The following SPAG16 variants were observed in gnomAD, a reference collection of about 807,000 sequenced individuals.
The protein encoded by SPAG16 is sperm associated antigen 16, also known as sperm-associated antigen 16 protein.
Under a neutral mutation model 80.4 loss-of-function variants are expected in SPAG16, and 86 were observed. The ratio of observed to expected loss-of-function variants is 1.07; its 90% CI spans 0.90 to 1.28. The LOEUF is 1.28. SPAG16 is among the 50% of genes most tolerant of loss of function. The pLI, the probability that SPAG16 is intolerant of heterozygous loss-of-function variation, is 0.00. For missense variants in SPAG16, 870 were observed against 765.3 expected, an observed-to-expected ratio of 1.14 and a Z score of -1.61; for synonymous variants, 294 against 265.9, an observed-to-expected ratio of 1.11 and a Z score of -1.03.
intron 12 of SPAG16, among the ~76,000 whole-genome samples, chr2:213,963,060 C>T (rs1322370411): frequency 2.2e-5 from 3 of 138,974 alleles, no homozygotes; most frequent in Non-Finnish European, 3.1e-5. Flanking sequence ...TATTTTGTTT[C>T]CTTTCTTTTG....
intron 3 of SPAG16, among the ~76,000 whole-genome samples, chr2:213,302,831 A>G (rs1299225286): frequency 6.6e-6 from 1 of 152,110 alleles, no homozygotes; most frequent in African/African-American, 2.4e-5. Context: ...GAATGCAAAC[A>G]TTTATTTGAA....
At chr2:213,465,888 G>T (rs1179606410) in intron 9 of SPAG16, among the ~76,000 whole-genome samples, 1 of 152,172 alleles carries the variant, frequency 6.6e-6, no homozygotes, top group Non-Finnish European at 1.5e-5. Context: ...AGTATGCAAA[G>T]TATTGTTCCT....
intron 12 of SPAG16, among the ~76,000 whole-genome samples, chr2:213,947,617 A>AT (rs373896390): frequency 0.013 from 1,994 of 151,964 alleles, 42 homozygotes; most frequent in African/African-American, 0.045. Context: ...GGTCAAGGAC[A>AT]TTTTTTTTGG....
intron 10 of SPAG16, among the ~76,000 whole-genome samples, chr2:213,718,789 C>T (rs919830021): frequency 1.3e-5 from 2 of 152,164 alleles, no homozygotes; most frequent in Admixed American, 6.5e-5. Flanking sequence ...TCCATGGGCT[C>T]CTGTGCAGCC....
chr2:213,926,491 A>T (rs762911652), intron 11 of SPAG16, among the ~76,000 whole-genome samples: 1 of 151,920 alleles, frequency 6.6e-6, no homozygotes, highest in Non-Finnish European at 1.5e-5. Flanking sequence ...AGAACATATC[A>T]TGTTTTTCAT....
At chr2:213,775,942 T>G (rs558343663) in intron 10 of SPAG16, among the ~76,000 whole-genome samples, 2 of 152,248 alleles carry the variant, frequency 1.3e-5, no homozygotes, top group Non-Finnish European at 2.9e-5. Context: ...CCTAATAAAT[T>G]AGCTCCAAAT....
chr2:213,438,664 G>A (rs2070770762), intron 9 of SPAG16, among the ~76,000 whole-genome samples: 1 of 152,096 alleles, frequency 6.6e-6, no homozygotes, highest in South Asian at 2.1e-4. Context: ...CCTTGATTGT[G>A]GGCAAAACCT....
At position 213,327,672 on chromosome 2, in the gene SPAG16, CAAAAT is replaced by C. The variant is rs567068194; in HGVS notation, c.536+10318_536+10322del. On this transcript the variant is annotated intron_variant, in intron 5 of 15. Coordinates refer to ENST00000331683, the MANE Select transcript of SPAG16 (RefSeq NM_024532.5). The stretch of plus-strand genomic sequence containing the variant: ...TGAAATTAAGACAATTTAGTATACT[CAAAAT>C]AGACGTTCACAAAATTTTAAATTCA... Among the ~76,000 whole-genome samples the C allele has an allele frequency of 1.1e-3, 171 of 152,138 alleles. 2 individuals carry two copies. Among genetic ancestry groups the C allele is most frequent in the African/African-American group, 3.7e-3 (152 of 41,542 alleles).
rs1371270210 is a variant in SPAG16, at chr2:214,144,795, TA to T, written c.1594-4344del. ...GGTATTTATATATATAACATACGTG[TA>T]TATGAAACCCAGCAAGTTGAACCAA... is the stretch of plus-strand genomic sequence containing the variant. On this transcript the variant is annotated intron_variant, in intron 14 of 15. Transcript: ENST00000331683. Among the ~76,000 whole-genome samples, 7 of 152,250 alleles carry T rather than the reference TA, an allele frequency of 4.6e-5. No homozygotes were observed. In the East Asian group the frequency reaches 1.4e-3, roughly 29 times the overall value.
At chr2:213,648,959 T>C (rs2062926272) in intron 10 of SPAG16, among the ~76,000 whole-genome samples, 1 of 152,096 alleles carries the variant, frequency 6.6e-6, no homozygotes, top group African/African-American at 2.4e-5. Context: ...GACCAAAATA[T>C]ATTTAGTCTG....
chr2:213,559,067 A>G (rs911111985), intron 10 of SPAG16, among the ~76,000 whole-genome samples: 1 of 152,168 alleles, frequency 6.6e-6, no homozygotes, highest in Non-Finnish European at 1.5e-5. Flanking sequence ...CTTCAGCTGT[A>G]TAGAATTCAT....
intron 10 of SPAG16, among the ~76,000 whole-genome samples, chr2:213,841,210 A>C (rs2074349377): frequency 6.6e-6 from 1 of 152,198 alleles, no homozygotes; most frequent in African/African-American, 2.4e-5. Context: ...CCCCTAAAAA[A>C]ATAGTCATGA....
chr2:213,530,615 G>T (rs1575854373), intron 10 of SPAG16, among the ~76,000 whole-genome samples: 1 of 152,032 alleles, frequency 6.6e-6, no homozygotes, highest in African/African-American at 2.4e-5. Flanking sequence ...TTTTAGTTCT[G>T]CCAGTTATTA....
At chr2:213,332,300 A>C (rs534916840) in intron 5 of SPAG16, among the ~76,000 whole-genome samples, 1 of 152,298 alleles carries the variant, frequency 6.6e-6, no homozygotes, top group African/African-American at 2.4e-5. Flanking sequence ...GAAATGGATA[A>C]ATTCCTAGTT....
chr2:213,422,457 TGCTCCTG>T, intron 9 of SPAG16: 1 of 580,776 alleles, frequency 1.7e-6, no homozygotes, highest in East Asian at 2.8e-5. Context: ...CTCACCTCTC[TGCTCCTG>T]GCTTGCCTTT....
At position 213,884,929 on chromosome 2, in the gene SPAG16, C is replaced by T. The variant is rs572348541; in HGVS notation, c.1214+22301C>T. ...TCCTTGGATTGAGTTTTACCTTTCT[C>T]TTGAATATCAATGACCTTCCTTGCC... On this transcript the variant is annotated intron_variant, in intron 11 of 15. Transcript: ENST00000331683. Among the ~76,000 whole-genome samples, 3 of 152,260 alleles carry T rather than the reference C, an allele frequency of 2.0e-5. No homozygotes were observed. In the East Asian group the frequency reaches 5.8e-4, roughly 29 times the overall value.
chr2:214,141,085 A>T (rs2055334475), intron 14 of SPAG16, among the ~76,000 whole-genome samples: 1 of 151,928 alleles, frequency 6.6e-6, no homozygotes, highest in South Asian at 2.1e-4. Flanking sequence ...TTAAGATAAG[A>T]TTTAGATTAG....
At chr2:214,205,323 C>A (rs1255669221) in intron 15 of SPAG16, among the ~76,000 whole-genome samples, 1 of 152,068 alleles carries the variant, frequency 6.6e-6, no homozygotes, top group Non-Finnish European at 1.5e-5. Context: ...ATCACAACTC[C>A]TGGAAATGAG....
chr2:213,663,053 T>C (rs930554798), intron 10 of SPAG16, among the ~76,000 whole-genome samples: 2 of 152,092 alleles, frequency 1.3e-5, no homozygotes, highest in African/African-American at 4.8e-5. Context: ...CAATCTGAAA[T>C]CTGAGAATTT....
Sources: gnomAD v4.1 joint callset for allele counts (sites outside exome capture counted in the v4.1 genomes callset) on GRCh38, gnomAD v4.1.1 for gene constraint, MANE v1.5 for transcripts, NCBI Gene and HGNC (gene_info 2026-07-23, HGNC 2026-07-21) for gene names.